The following MIA2 variants were observed in gnomAD, a reference collection of about 807,000 sequenced individuals.
MIA2 encodes the protein MIA SH3 domain ER export factor 2, also known as melanoma inhibitory activity protein 2.
A neutral mutation model predicts 167.8 loss-of-function variants in MIA2; 127 were observed. The ratio of observed to expected loss-of-function variants is 0.76; its 90% confidence interval spans 0.66 to 0.88. The LOEUF is 0.88. Among genes scored for constraint, MIA2 ranks in the 40% least tolerant of loss-of-function variants. MIA2 has a pLI of 0.00. For missense variants in MIA2, 1,690 were observed against 1,624.7 expected (o/e 1.04, Z -0.69); for synonymous variants, 552 against 541.9 (o/e 1.02, Z -0.26).
chr14:39,335,236 A>C (rs998319585), intron 25 of MIA2, among the ~76,000 whole-genome samples: 4 of 152,320 alleles, frequency 2.6e-5, no homozygotes, highest in Middle Eastern at 3.4e-3. Context: ...TTAAATTTTA[A>C]AATATTTTAG....
chr14:39,373,213 A>G (rs371597512), intron 23 of MIA2, among the ~76,000 whole-genome samples: 1 of 151,688 alleles, frequency 6.6e-6, no homozygotes, highest in Non-Finnish European at 1.5e-5. Flanking sequence ...ATATTCCAGC[A>G]TGTCATGTCT....
At chr14:39,257,468 T>C (rs2054871904) in intron 6 of MIA2, among the ~76,000 whole-genome samples, 1 of 152,208 alleles carries the variant, frequency 6.6e-6, no homozygotes, top group Non-Finnish European at 1.5e-5. Flanking sequence ...GTTTTGAGCC[T>C]ATGTGTGTCT....
At chr14:39,374,000 A>G (rs1279806764) in intron 23 of MIA2, among the ~76,000 whole-genome samples, 1 of 152,218 alleles carries the variant, frequency 6.6e-6, no homozygotes, top group African/African-American at 2.4e-5. Context: ...CTCAACAAGC[A>G]AACTCAAGGT....
At chr14:39,344,667 A>G (rs900559310) in intron 25 of MIA2, among the ~76,000 whole-genome samples, 3 of 152,184 alleles carry the variant, frequency 2.0e-5, no homozygotes, top group African/African-American at 7.2e-5. Context: ...CTGATTCTAT[A>G]AAGTCAATTA....
chr14:39,315,641 A>G, intron 20 of MIA2, 42 bp from the exon 21 acceptor site: 1 of 1,454,640 alleles, frequency 6.9e-7, no homozygotes, highest in Non-Finnish European at 9.5e-7. Flanking sequence ...TTTACTTAAG[A>G]AAAATAATGG....
At chr14:39,291,654 A>G (rs2060753085) in intron 10 of MIA2, among the ~76,000 whole-genome samples, 1 of 152,148 alleles carries the variant, frequency 6.6e-6, no homozygotes, top group Non-Finnish European at 1.5e-5. Flanking sequence ...GTTCTGTAGT[A>G]TGAATACTTC....
intron 25 of MIA2, among the ~76,000 whole-genome samples, chr14:39,345,446 T>G (rs1318277604): frequency 2.0e-5 from 3 of 152,210 alleles, no homozygotes; most frequent in Non-Finnish European, 4.4e-5. Flanking sequence ...AATGATGACA[T>G]CTGAATGATA....
At chr14:39,317,836 G>C (rs2065767320) in intron 21 of MIA2, 108 bp from the exon 22 acceptor site, 2 of 649,524 alleles carry the variant, frequency 3.1e-6, no homozygotes, top group Non-Finnish European at 4.9e-6. Flanking sequence ...CCATTGTTGT[G>C]ATATATATAT....
At chr14:39,327,049 C>A (rs1311662602) in intron 25 of MIA2, 27 bp downstream of exon 25, 2 of 1,431,252 alleles carry the variant, frequency 1.4e-6, no homozygotes, top group Middle Eastern at 3.7e-4. Flanking sequence ...GTTATTATTT[C>A]TCTTTGAAAG....
At chr14:39,386,214 C>T in intron 23 of MIA2, 1 of 1,393,718 alleles carries the variant, frequency 7.2e-7, no homozygotes, top group South Asian at 1.2e-5. Flanking sequence ...GATTTTATAC[C>T]CAGTTTGTCT....
At chr14:39,277,712 A>T (rs1364807950) in intron 7 of MIA2, among the ~76,000 whole-genome samples, 7 of 4,908 alleles carry the variant, frequency 1.4e-3, no homozygotes, top group African/African-American at 7.5e-3. Flanking sequence ...ATATATATAT[A>T]TATGTGTGTA....
intron 1 of MIA2, among the ~76,000 whole-genome samples, chr14:39,235,366 A>G (rs963787154): frequency 1.3e-5 from 2 of 152,214 alleles, no homozygotes; most frequent in South Asian, 2.1e-4. Context: ...AAAAATGAAA[A>G]ATGTTATTAG....
intron 15 of MIA2, among the ~76,000 whole-genome samples, chr14:39,302,629 A>T (rs1260282209): frequency 2.0e-5 from 3 of 152,154 alleles, no homozygotes; most frequent in Non-Finnish European, 4.4e-5. Flanking sequence ...ATACTTCAGG[A>T]TACTTCTTTT....
intron 10 of MIA2, among the ~76,000 whole-genome samples, chr14:39,291,612 T>TA (rs939511676): frequency 4.4e-4 from 67 of 152,244 alleles, no homozygotes; most frequent in African/African-American, 1.6e-3. Flanking sequence ...ACTTTTTTTT[T>TA]AAAAAGCAGC....
intron 20 of MIA2, 37 bp downstream of exon 20, chr14:39,314,836 GTATATA>G (rs57139462): frequency 1.1e-5 from 11 of 996,702 alleles, no homozygotes; most frequent in African/African-American, 3.5e-5. Context: ...GTGTGTGTGT[GTATATA>G]TATATAATTT....
At chr14:39,264,309 G>A (rs1034464085) in intron 6 of MIA2, among the ~76,000 whole-genome samples, 12 of 152,250 alleles carry the variant, frequency 7.9e-5, no homozygotes, top group East Asian at 5.8e-4. Flanking sequence ...GTATTCCATC[G>A]TGTATATGTA....
rs139120077 is a variant in MIA2, at chr14:39,346,455, A to G, written c.3778+429A>G. 2.6e-5 allele frequency among the ~76,000 whole-genome samples: 4 copies of G among 152,262 alleles called. No homozygotes were observed. The East Asian group carries it at 5.8e-4, about 22-fold the overall frequency. On this transcript the variant is annotated intron_variant, in intron 26 of 28. Coordinates refer to ENST00000640607, the MANE Select transcript of MIA2 (RefSeq NM_001329214.4). Reference sequence around the variant, plus strand: ...TATATTAAACATTTCATGCTTAGATATAACTAACATGTACTGAGCAATCTA... The same window carrying G: ...TATATTAAACATTTCATGCTTAGATGTAACTAACATGTACTGAGCAATCTA...
exon 24 of MIA2, chr14:39,386,980 CG>C (rs760058298): frequency 1.0e-5 from 8 of 769,084 alleles, no homozygotes; most frequent in Non-Finnish European, 1.8e-5. Flanking sequence ...ATGAGACTAA[CG>C]AGATCTGTGA....
chr14:39,273,159 T>C, intron 6 of MIA2, among the ~76,000 whole-genome samples: 1 of 152,024 alleles, frequency 6.6e-6, no homozygotes, highest in Non-Finnish European at 1.5e-5. Context: ...CTAATTGCTC[T>C]GGCTAGAACC....
Sources: gnomAD v4.1 joint callset for allele counts (sites outside exome capture counted in the v4.1 genomes callset) on GRCh38, gnomAD v4.1.1 for gene constraint, MANE v1.5 for transcripts, NCBI Gene and HGNC (gene_info 2026-07-23, HGNC 2026-07-21) for gene names.